CNTRL: variants seen among roughly 807,000 people sequenced by gnomAD.
CNTRL encodes centriolin.
CNTRL carries 233 observed loss-of-function variants against 303.7 expected under a neutral mutation model. The ratio of observed to expected loss-of-function variants is 0.77; its 90% CI spans 0.69 to 0.86. CNTRL has a LOEUF of 0.86. CNTRL is among the 40% of genes least tolerant of loss of function. CNTRL has a pLI of 0.00. For synonymous variants in CNTRL, 900 were observed against 922.2 expected, an observed-to-expected ratio of 0.98 and a Z score of 0.44; for missense variants, 2,524 against 2,650.6, an observed-to-expected ratio of 0.95 and a Z score of 1.05.
chr9:121,114,013 C>T (rs1338190809), intron 10 of CNTRL, among the ~76,000 whole-genome samples: 2 of 152,126 alleles, frequency 1.3e-5, no homozygotes, highest in East Asian at 1.9e-4. Flanking sequence ...ACTATATATT[C>T]GAAGTCACAA....
chr9:121,143,441 C>T (rs2051642024), intron 19 of CNTRL, among the ~76,000 whole-genome samples: 1 of 152,162 alleles, frequency 6.6e-6, no homozygotes, highest in African/African-American at 2.4e-5. Flanking sequence ...TAATCAGTCT[C>T]CCCTCCTGTA....
intron 27 of CNTRL, among the ~76,000 whole-genome samples, chr9:121,156,233 A>C (rs767181159): frequency 5.3e-5 from 8 of 152,248 alleles, no homozygotes; most frequent in Admixed American, 4.6e-4. Context: ...AATCATCAAA[A>C]GAAAATTGAT....
Position 121,142,146 on chromosome 9 carries a change from T to G in CNTRL, c.2747T>G (p.Ile916Ser). ...AGAATCCAGCAAATGGAGAATGAAATTCACTATTTGCAAGAAAATCTAAAA... is the reference window on the plus strand; with the variant it reads ...AGAATCCAGCAAATGGAGAATGAAAGTCACTATTTGCAAGAAAATCTAAAA... ...EARIQQMENEIHYLQENLKSM... is the reference protein window; with the variant it reads ...EARIQQMENESHYLQENLKSM... Residue 916 changes from isoleucine (I) to serine (S), a missense_variant, in exon 19 of 44, where the codon ATT becomes AGT. By Grantham distance (142) the Ile-to-Ser change is moderately radical. Coordinates refer to ENST00000373855, the MANE Select transcript of CNTRL (RefSeq NM_007018.6). 1.2e-6 allele frequency: 2 copies of G among 1,610,946 alleles called. No individual in the cohort carries two copies. The highest frequency in any genetic ancestry group is 1.7e-6 in the Non-Finnish European group (2 of 1,178,736).
At chr9:121,157,623 T>G (rs1238678463) in intron 28 of CNTRL, 23 bp downstream of exon 28, 1 of 1,611,008 alleles carries the variant, frequency 6.2e-7, no homozygotes, top group African/African-American at 1.3e-5. Flanking sequence ...CCTAAGCCGT[T>G]GATGTATACA....
In CNTRL at chr9:121,113,705, AG is replaced by A; in HGVS notation, c.1327del (p.Glu443LysfsTer4). On this transcript the variant is annotated frameshift_variant, in exon 10 of 44. Coordinates refer to ENST00000373855, the MANE Select transcript of CNTRL (RefSeq NM_007018.6). LOFTEE classifies it high-confidence loss of function. ...CACTGGACACGCAACTGGAAGACAAAGAAAAAAAAATAAGTGCAGGTTAAAA... is the reference window on the plus strand; with the variant it reads ...CACTGGACACGCAACTGGAAGACAAAAAAAAAAAATAAGTGCAGGTTAAAA... ...TPLDTQLEDK[E>X]KKISAAQTRL... 6.5e-7 allele frequency: 1 copy of A among 1,535,748 alleles called. No individual in the cohort carries two copies. Among genetic ancestry groups the A allele is most frequent in the Admixed American group, 2.4e-5 (1 of 41,974 alleles).
At chr9:121,139,589 T>TA (rs2051391103) in intron 16 of CNTRL, among the ~76,000 whole-genome samples, 1 of 152,238 alleles carries the variant, frequency 6.6e-6, no homozygotes, top group Non-Finnish European at 1.5e-5. Flanking sequence ...TCATAAAAGA[T>TA]ATACATGTTT....
chr9:121,160,841 C>T (rs2052812083), intron 32 of CNTRL, among the ~76,000 whole-genome samples: 1 of 152,032 alleles, frequency 6.6e-6, no homozygotes, highest in African/African-American at 2.4e-5. Flanking sequence ...TAGCGATGCA[C>T]ATTGATGTGC....
Position 121,164,965 on chromosome 9 carries a change from A to G in CNTRL, c.5446A>G (p.Asn1816Asp). The change falls in exon 35 of 44, where the codon AAT becomes GAT. Residue 1816 changes from asparagine (N) to aspartate (D), a missense_variant. Coordinates refer to ENST00000373855, the MANE Select transcript of CNTRL (RefSeq NM_007018.6). ...TAGGGTTTTAGCAGCAGCAGAAGAA[A>G]ATAGCAAAATGGAGCAATCAAACTT... ...TKRVLAAAEE[N>D]SKMEQSNLEK... 1 of 1,612,814 alleles carries G rather than the reference A, an allele frequency of 6.2e-7. No homozygotes were observed. The highest frequency in any genetic ancestry group is 8.5e-7 in the Non-Finnish European group (1 of 1,179,682).
At position 121,140,695 on chromosome 9, in the gene CNTRL, C is replaced by G. The variant is rs1349889004; in HGVS notation, c.2392C>G (p.His798Asp). 6.2e-7 allele frequency: 1 copy of G among 1,613,170 alleles called. No homozygotes were observed. ...QLKDFQNHLN[H>D]VVDGLVRPEE... ...TAAAGATTTCCAGAATCACCTTAAC[C>G]ATGTGGTTGATGGTTTGGTTCGTCC... The change falls in exon 17 of 44, where the codon CAT becomes GAT. Residue 798 changes from histidine (H) to aspartate (D), a missense_variant. His to Asp is a moderately conservative substitution (Grantham distance 81, BLOSUM62 -1). Coordinates refer to ENST00000373855, the MANE Select transcript of CNTRL (RefSeq NM_007018.6).
At chr9:121,117,868 A>G (rs1177698132) in intron 11 of CNTRL, among the ~76,000 whole-genome samples, 1 of 151,828 alleles carries the variant, frequency 6.6e-6, no homozygotes, top group Non-Finnish European at 1.5e-5. Flanking sequence ...AGTCCCAGCT[A>G]CTCGGGAGGC....
At chr9:121,089,828 A>AT (rs754345461) in intron 3 of CNTRL, among the ~76,000 whole-genome samples, 16 of 151,934 alleles carry the variant, frequency 1.1e-4, no homozygotes, top group African/African-American at 2.7e-4. Context: ...TGAGCAAATG[A>AT]TTTTTTTTAG....
At chr9:121,145,757 A>G (rs370156509) in intron 22 of CNTRL, among the ~76,000 whole-genome samples, 3 of 152,076 alleles carry the variant, frequency 2.0e-5, no homozygotes, top group African/African-American at 7.2e-5. Flanking sequence ...TTAGCTGGGC[A>G]TGGAGGTGGG....
intron 13 of CNTRL, 123 bp downstream of exon 13, chr9:121,124,207 T>C (rs1642067642): frequency 6.0e-6 from 5 of 829,334 alleles, no homozygotes; most frequent in African/African-American, 5.3e-5. Context: ...TAGTATTTGA[T>C]AGGGAAATAT....
At chr9:121,147,826 A>C (rs918033553) in intron 23 of CNTRL, among the ~76,000 whole-genome samples, 1 of 152,312 alleles carries the variant, frequency 6.6e-6, no homozygotes, top group Admixed American at 6.5e-5. Flanking sequence ...AAGGAAGCCA[A>C]CTCCTTGGTA....
chr9:121,098,767 A>G (rs1353975588), intron 7 of CNTRL, among the ~76,000 whole-genome samples, 195 bp downstream of exon 7: 1 of 151,762 alleles, frequency 6.6e-6, no homozygotes. Context: ...TAAGGATACA[A>G]TGGGAAGGAA....
At chr9:121,165,494 A>T (rs2053052035) in intron 35 of CNTRL, among the ~76,000 whole-genome samples, 1 of 152,216 alleles carries the variant, frequency 6.6e-6, no homozygotes, top group East Asian at 1.9e-4. Flanking sequence ...GATGTAAATA[A>T]TGAAGATTTT....
chr9:121,169,804 G>C lies in CNTRL; in HGVS notation c.6264G>C (p.Glu2088Asp), dbSNP rs1293391334. 1 of 1,613,902 alleles carries C rather than the reference G, an allele frequency of 6.2e-7. No individual in the cohort carries two copies. The highest frequency in any genetic ancestry group is 8.5e-7 in the Non-Finnish European group (1 of 1,179,910). The change falls in exon 39 of 44, where the codon GAG becomes GAC. Residue 2088 changes from glutamate to aspartate, a missense_variant. Glu to Asp is a conservative substitution (Grantham distance 45, BLOSUM62 2). Transcript: ENST00000373855. ...EALKIQRSQL[E>D]KNLLEQKQEN... is the part of the protein sequence containing the mutation. ...TTAAGATCCAGCGGAGCCAGCTGGA[G>C]AAAAACCTTCTTGTGAGTACCTGCT...
chr9:121,102,608 G>T (rs193228155), intron 7 of CNTRL, among the ~76,000 whole-genome samples: 4 of 152,302 alleles, frequency 2.6e-5, no homozygotes, highest in Admixed American at 2.0e-4. Flanking sequence ...AAGTCAAATT[G>T]TCCCTGTTTG....
intron 20 of CNTRL, 29 bp from the exon 21 acceptor site, chr9:121,144,814 G>T (rs752654801): frequency 1.3e-6 from 2 of 1,512,356 alleles, no homozygotes; most frequent in African/African-American, 2.7e-5. Flanking sequence ...GATAGCAGTG[G>T]TGCCTTTCTC....
Sources: gnomAD v4.1 joint callset for allele counts (sites outside exome capture counted in the v4.1 genomes callset) on GRCh38, gnomAD v4.1.1 for gene constraint, MANE v1.5 for transcripts, NCBI Gene and HGNC (gene_info 2026-07-23, HGNC 2026-07-21) for gene names.